MAP3K13: variants seen among roughly 807,000 people sequenced by gnomAD.
MAP3K13 encodes mitogen-activated protein kinase kinase kinase 13.
A neutral mutation model predicts 104.0 loss-of-function variants in MAP3K13; 52 were observed. The ratio of observed to expected loss-of-function variants is 0.50; its 90% CI spans 0.40 to 0.63. MAP3K13 has a LOEUF of 0.63. MAP3K13 is among the 20% of genes least tolerant of loss of function. The probability of loss-of-function intolerance (pLI) is 0.00; values close to 1 mark genes in which losing one functional copy is unlikely to be tolerated. For missense variants in MAP3K13, 914 were observed against 1,218.5 expected (o/e 0.75, Z 3.72); for synonymous variants, 394 against 442.2 (o/e 0.89, Z 1.37).
At chr3:185,392,290 A>G (rs1244621755) in intron 1 of MAP3K13, among the ~76,000 whole-genome samples, 1 of 152,170 alleles carries the variant, frequency 6.6e-6, no homozygotes, top group East Asian at 1.9e-4. Flanking sequence ...GAGCAATTAT[A>G]ATACAGCGTG....
intron 1 of MAP3K13, among the ~76,000 whole-genome samples, chr3:185,398,829 A>C (rs1395881349): frequency 6.6e-6 from 1 of 152,242 alleles, no homozygotes; most frequent in African/African-American, 2.4e-5. Context: ...GTCAATACAA[A>C]TATACTCTGA....
At chr3:185,390,917 G>A (rs1354998251) in intron 1 of MAP3K13, among the ~76,000 whole-genome samples, 6 of 152,020 alleles carry the variant, frequency 3.9e-5, no homozygotes, top group African/African-American at 1.4e-4. Flanking sequence ...CACTGCGCTG[G>A]GCCGATATTT....
intron 2 of MAP3K13, among the ~76,000 whole-genome samples, chr3:185,314,683 A>G (rs1290253540): frequency 1.3e-5 from 2 of 151,956 alleles, no homozygotes; most frequent in Non-Finnish European, 2.9e-5. Flanking sequence ...CAGTGCTGCA[A>G]TCATTAGCTC....
intron 1 of MAP3K13, among the ~76,000 whole-genome samples, chr3:185,425,737 TCC>T (rs1299509938): frequency 6.6e-6 from 1 of 152,172 alleles, no homozygotes; most frequent in East Asian, 1.9e-4. Context: ...TCCTGCTGTT[TCC>T]CCATACTACC....
chr3:185,428,030 G>A (rs1309354790), intron 1 of MAP3K13, among the ~76,000 whole-genome samples: 1 of 150,138 alleles, frequency 6.7e-6, no homozygotes, highest in Non-Finnish European at 1.5e-5. Context: ...AGTGAGCCGA[G>A]ATCGCGCCAT....
intron 11 of MAP3K13, among the ~76,000 whole-genome samples, chr3:185,475,744 G>C (rs188369604): frequency 6.6e-6 from 1 of 152,032 alleles, no homozygotes; most frequent in Non-Finnish European, 1.5e-5. Context: ...CCAGGTACTC[G>C]GGAGGCTGAG....
intron 2 of MAP3K13, among the ~76,000 whole-genome samples, chr3:185,296,626 C>T (rs917695599): frequency 6.6e-6 from 1 of 152,174 alleles, no homozygotes; most frequent in African/African-American, 2.4e-5. Flanking sequence ...CTCCATTGTA[C>T]TTATCTCTGA....
chr3:185,428,758 C>A lies in MAP3K13; in HGVS notation c.177C>A (p.Ser59Arg), dbSNP rs761070513. Reference sequence around the variant, plus strand: ...TGGTACGAACAGAGCTAATCGAGAGCGTGCACAGCCCCGTCACCACAACAG... The same window carrying A: ...TGGTACGAACAGAGCTAATCGAGAGAGTGCACAGCCCCGTCACCACAACAG... Reference protein sequence around the residue: ...KGMVRTELIESVHSPVTTTVL... With the variant: ...KGMVRTELIERVHSPVTTTVL... The change falls in exon 2 of 14, where the codon AGC becomes AGA. Residue 59 changes from serine to arginine, a missense_variant. Physicochemically the swap from Ser to Arg is moderately radical, Grantham distance 110. Transcript: ENST00000265026. The A allele has an allele frequency of 1.9e-6, 3 of 1,614,158 alleles. No homozygotes were observed. The highest frequency in any genetic ancestry group is 2.5e-6 in the Non-Finnish European group (3 of 1,180,032).
Position 185,450,659 on chromosome 3 carries a change from G to T in MAP3K13, c.1169+601G>T, listed in dbSNP as rs1027235440. Among the ~76,000 whole-genome samples the T allele has an allele frequency of 3.9e-5, 6 of 152,086 alleles. No individual in the cohort carries two copies. Among genetic ancestry groups the T allele is most frequent in the Non-Finnish European group, 7.4e-5 (5 of 68,022 alleles). On this transcript the variant is annotated intron_variant, in intron 6 of 13. Transcript: ENST00000265026. This position sits in a 1 kb window ranked among gnomAD's most constrained non-coding sequence, Gnocchi z 4.2. Reference sequence around the variant, plus strand: ...ATAAAAAACTGTACTGCAGGGCCAGGCATGGTGGCTCACGCCTGTAATCCC... The same window carrying T: ...ATAAAAAACTGTACTGCAGGGCCAGTCATGGTGGCTCACGCCTGTAATCCC...
chr3:185,461,568 A>T (rs1236348180), intron 7 of MAP3K13, among the ~76,000 whole-genome samples: 1 of 151,782 alleles, frequency 6.6e-6, no homozygotes, highest in African/African-American at 2.4e-5. Context: ...TTATTTTTTT[A>T]ATTTTTTTTC....
chr3:185,382,091 GA>G (rs1177919561), intron 1 of MAP3K13, among the ~76,000 whole-genome samples: 1 of 152,148 alleles, frequency 6.6e-6, no homozygotes, highest in Non-Finnish European at 1.5e-5. Context: ...TATGGTTCAA[GA>G]CCTCCCAGTA....
intron 1 of MAP3K13, among the ~76,000 whole-genome samples, chr3:185,426,146 T>C (rs1180798655): frequency 6.6e-6 from 1 of 152,164 alleles, no homozygotes; most frequent in Non-Finnish European, 1.5e-5. Flanking sequence ...AGTAGCGCAA[T>C]CTTGGCTCAC....
rs998754986 is a variant in MAP3K13 at position 185,446,341 on chromosome 3, C to T, written c.852-1448C>T. Among the ~76,000 whole-genome samples, 9 of 151,896 alleles carry T rather than the reference C, an allele frequency of 5.9e-5. No individual in the cohort carries two copies. In the South Asian group the frequency reaches 1.3e-3, roughly 21 times the overall value. ...CACAATCTCCACTCACTGCAAGCTC[C>T]GCCTCCCGGGTTCACGCCATTCTCC... On this transcript the variant is annotated intron_variant, in intron 4 of 13. Transcript: ENST00000265026.
upstream of MAP3K13, among the ~76,000 whole-genome samples, chr3:185,361,086 G>GTATA (rs536100470): frequency 4.3e-4 from 62 of 144,974 alleles, no homozygotes; most frequent in East Asian, 5.9e-3. Flanking sequence ...ATGTGTATGT[G>GTATA]TATATATATA....
At chr3:185,456,596 CTTTTTTTTT>C (rs35547697) in intron 7 of MAP3K13, among the ~76,000 whole-genome samples, 1 of 108,006 alleles carries the variant, frequency 9.3e-6, no homozygotes, top group Non-Finnish European at 1.7e-5. Context: ...TTTGCTTCTC[CTTTTTTTTT>C]TTTTTTTTTT....
intron 2 of MAP3K13, among the ~76,000 whole-genome samples, chr3:185,295,146 C>T (rs1720874180): frequency 6.6e-6 from 1 of 152,142 alleles, no homozygotes; most frequent in Admixed American, 6.5e-5. Flanking sequence ...TAATGGTCTT[C>T]CAATTCTCTG....
intron 2 of MAP3K13, among the ~76,000 whole-genome samples, chr3:185,345,449 ACAG>A (rs1247935895): frequency 6.6e-6 from 1 of 152,218 alleles, no homozygotes; most frequent in East Asian, 1.9e-4. Context: ...ACTGGACTGC[ACAG>A]CAGATGAGCA....
At chr3:185,339,576 G>A (rs1204101658) in intron 2 of MAP3K13, among the ~76,000 whole-genome samples, 1 of 152,154 alleles carries the variant, frequency 6.6e-6, no homozygotes, top group African/African-American at 2.4e-5. Context: ...TAGAGCAGGG[G>A]CTGGGAAATT....
In MAP3K13 at chr3:185,292,877, G is replaced by C. The variant is rs536006299; in HGVS notation, c.-86+7234G>C. On this transcript the variant is annotated intron_variant, in intron 2 of 14. Transcript: ENST00000424227. Reference sequence around the variant, plus strand: ...CTTTAGAGCAGTTATGGGAGTTATAGATTATAACATATTAGTGATTTGTGA... The same window carrying C: ...CTTTAGAGCAGTTATGGGAGTTATACATTATAACATATTAGTGATTTGTGA... 1.2e-5 allele frequency: 12 copies of C among 983,524 alleles called. 1 individual carries two copies. In the African/African-American group the frequency reaches 1.7e-4, roughly 14 times the overall value. The allele number at this position is 983,524 out of a possible 1,614,324, so 60.9% of individuals were successfully genotyped here.
Sources: allele counts gnomAD v4.1 joint callset (sites outside exome capture counted in the v4.1 genomes callset), GRCh38; gene constraint gnomAD v4.1.1; non-coding constraint Gnocchi (gnomAD v3.1); transcripts MANE v1.5; gene names NCBI Gene and HGNC (gene_info 2026-07-23, HGNC 2026-07-21).